Variants in CD28 observed in about 807,000 individuals in gnomAD.
CD28 encodes the protein T-cell-specific surface glycoprotein CD28.
A neutral mutation model predicts 21.4 loss-of-function variants in CD28; 8 were observed. The ratio of observed to expected loss-of-function variants is 0.37; its 90% CI spans 0.22 to 0.68. The LOEUF is 0.68. Ranked by LOEUF, CD28 falls within the 30% of genes least tolerant of loss-of-function variation. The probability of loss-of-function intolerance (pLI) is 0.55; values close to 1 mark genes in which losing one functional copy is unlikely to be tolerated. For missense variants in CD28, 239 were observed against 272.2 expected (o/e 0.88, Z 0.86); for synonymous variants, 106 against 104.0 (o/e 1.02, Z -0.12).
intron 3 of CD28, among the ~76,000 whole-genome samples, chr2:203,730,531 A>C (rs910333007): frequency 6.6e-6 from 1 of 152,222 alleles, no homozygotes; most frequent in Non-Finnish European, 1.5e-5. Context: ...TTAGGTACAT[A>C]GTATGGTACA....
chr2:203,738,542 C>T lies in CD28; in HGVS notation c.*3630C>T, dbSNP rs1694105446. The stretch of plus-strand genomic sequence containing the variant: ...AGTCTCTCTTTCCTATAGATATATG[C>T]ATACTTTCTGACATATAGGAATGTA... On this transcript the variant is annotated 3_prime_UTR_variant, in exon 4 of 4. Coordinates refer to ENST00000324106, the MANE Select transcript of CD28 (RefSeq NM_006139.4). 1 of 152,194 alleles carries T rather than the reference C, an allele frequency of 6.6e-6. No individual in the cohort carries two copies. The highest frequency in any genetic ancestry group is 1.5e-5 in the Non-Finnish European group (1 of 68,048). The allele number at this position is 152,194 out of a possible 1,614,324, so 9.4% of individuals were successfully genotyped here. A position where few individuals can be genotyped will look rare whatever the true frequency, so the allele number is the denominator to read the frequency against.
At chr2:203,710,686 C>A (rs1422596832) in intron 1 of CD28, among the ~76,000 whole-genome samples, 1 of 152,190 alleles carries the variant, frequency 6.6e-6, no homozygotes. Context: ...ATGCCACCAA[C>A]ATCCCAGAAG....
At chr2:203,715,084 GT>G (rs1447635762) in intron 1 of CD28, among the ~76,000 whole-genome samples, 1 of 152,156 alleles carries the variant, frequency 6.6e-6, no homozygotes, top group Non-Finnish European at 1.5e-5. Context: ...TCACAGAGTT[GT>G]TTTGAATGAG....
At chr2:203,709,357 T>C (rs1693251956) in intron 1 of CD28, among the ~76,000 whole-genome samples, 1 of 152,212 alleles carries the variant, frequency 6.6e-6, no homozygotes, top group Non-Finnish European at 1.5e-5. Context: ...AATTTAATAA[T>C]GTGTGTGTAT....
At position 203,736,342 on chromosome 2, in the gene CD28, T is replaced by C. The variant is rs1162758194; in HGVS notation, c.*1430T>C. The C allele has an allele frequency of 6.6e-6, 1 of 152,642 alleles. No individual in the cohort carries two copies. The highest frequency in any genetic ancestry group is 6.5e-5 in the Admixed American group (1 of 15,284). 9.5% of individuals were successfully genotyped at this position (152,642 alleles called of 1,614,324 possible). Reference sequence around the variant, plus strand: ...CCATGTGCTGAGGAGATAGCCAGCATTAGGTGACAATCTTCCAGAAGTGGT... The same window carrying C: ...CCATGTGCTGAGGAGATAGCCAGCACTAGGTGACAATCTTCCAGAAGTGGT... On this transcript the variant is annotated 3_prime_UTR_variant, in exon 4 of 4. Transcript: ENST00000324106.
intron 1 of CD28, among the ~76,000 whole-genome samples, chr2:203,707,322 TCA>T (rs1693184837): frequency 6.6e-6 from 1 of 152,058 alleles, no homozygotes. Flanking sequence ...TCTCCAAACC[TCA>T]GTTTCCTTAA....
intron 1 of CD28, among the ~76,000 whole-genome samples, chr2:203,724,828 G>A (rs1336926915): frequency 2.0e-5 from 3 of 152,156 alleles, no homozygotes; most frequent in African/African-American, 7.2e-5. Context: ...AAATGAATCT[G>A]ATTTTATTTG....
chr2:203,713,852 G>GGAGAGAGAGAGAGA (rs57737764), intron 1 of CD28, among the ~76,000 whole-genome samples: 3 of 141,670 alleles, frequency 2.1e-5, no homozygotes, highest in African/African-American at 5.3e-5. Context: ...AGAGAGAGAG[G>GGAGAGAGAGAGAGA]GAGAGAGAGA....
chr2:203,734,967 A>G lies in CD28; in HGVS notation c.*55A>G. 6.3e-7 allele frequency: 1 copy of G among 1,592,106 alleles called. No homozygotes were observed. The highest frequency in any genetic ancestry group is 8.6e-7 in the Non-Finnish European group (1 of 1,168,098). ...TGGCAGCCCCCATCTGCTCAATATC[A>G]CTGCTCTGGATAGGAAATGACCGCC... On this transcript the variant is annotated 3_prime_UTR_variant, in exon 4 of 4. Coordinates refer to ENST00000324106, the MANE Select transcript of CD28 (RefSeq NM_006139.4).
chr2:203,722,247 C>T (rs1449677660), intron 1 of CD28, among the ~76,000 whole-genome samples: 1 of 152,080 alleles, frequency 6.6e-6, no homozygotes, highest in Non-Finnish European at 1.5e-5. Flanking sequence ...GCAGGCATTG[C>T]TTGCTGGAGT....
chr2:203,737,004 C>T lies in CD28; in HGVS notation c.*2092C>T, dbSNP rs1301844078. The stretch of plus-strand genomic sequence containing the variant: ...GAATATTGTAACACAAATTTAAACC[C>T]ACTACGCAGGGATGAGGTGCTATAA... On this transcript the variant is annotated 3_prime_UTR_variant, in exon 4 of 4. Coordinates refer to ENST00000324106, the MANE Select transcript of CD28 (RefSeq NM_006139.4). 6.6e-6 allele frequency: 1 copy of T among 152,186 alleles called. No homozygotes were observed. The highest frequency in any genetic ancestry group is 1.9e-4 in the East Asian group (1 of 5,194). 9.4% of individuals were successfully genotyped at this position (152,186 alleles called of 1,614,324 possible). A position where few individuals can be genotyped will look rare whatever the true frequency, so the allele number is the denominator to read the frequency against.
intron 1 of CD28, among the ~76,000 whole-genome samples, chr2:203,723,489 T>TA (rs57408890): frequency 8.4e-4 from 115 of 136,740 alleles, no homozygotes; most frequent in Middle Eastern, 3.7e-3. Context: ...TCTGTAAAAA[T>TA]AAAAAAAAAA....
Position 203,736,889 on chromosome 2 carries a change from T to C in CD28, c.*1977T>C, listed in dbSNP as rs1224344709. The C allele has an allele frequency of 6.6e-6, 1 of 152,240 alleles. No individual in the cohort carries two copies. Among genetic ancestry groups the C allele is most frequent in the African/African-American group, 2.4e-5 (1 of 41,464 alleles). The allele number at this position is 152,240 out of a possible 1,614,324, so 9.4% of individuals were successfully genotyped here. On this transcript the variant is annotated 3_prime_UTR_variant, in exon 4 of 4. Transcript: ENST00000324106. ...TGCCTATCCCTGACATTTAGTAGCA[T>C]GCCCGACATACAATGTTAGCTATTG...
At chr2:203,724,404 T>G (rs1378740021) in intron 1 of CD28, among the ~76,000 whole-genome samples, 3 of 152,152 alleles carry the variant, frequency 2.0e-5, no homozygotes, top group African/African-American at 7.2e-5. Flanking sequence ...CTCAATAAAG[T>G]TATTATCTAA....
intron 1 of CD28, among the ~76,000 whole-genome samples, chr2:203,711,525 C>T (rs1693310790): frequency 6.6e-6 from 1 of 152,140 alleles, no homozygotes; most frequent in Admixed American, 6.5e-5. Context: ...TCTGCATTAC[C>T]ATTACTGTCA....
At chr2:203,718,050 A>G (rs1317075978) in intron 1 of CD28, among the ~76,000 whole-genome samples, 2 of 152,158 alleles carry the variant, frequency 1.3e-5, no homozygotes, top group African/African-American at 4.8e-5. Context: ...TAGGTCATGA[A>G]TAGCTTTGTT....
At chr2:203,713,724 T>C (rs1235167235) in intron 1 of CD28, among the ~76,000 whole-genome samples, 3 of 152,118 alleles carry the variant, frequency 2.0e-5, no homozygotes, top group Non-Finnish European at 2.9e-5. Context: ...TAGGAACTTA[T>C]ATCACCTAAA....
At chr2:203,716,752 A>G (rs1025529444) in intron 1 of CD28, among the ~76,000 whole-genome samples, 25 of 152,348 alleles carry the variant, frequency 1.6e-4, no homozygotes, top group African/African-American at 6.0e-4. Context: ...TCTACATTAT[A>G]GTGTCTGCCT....
At chr2:203,724,895 G>A (rs1314033391) in intron 1 of CD28, among the ~76,000 whole-genome samples, 1 of 152,196 alleles carries the variant, frequency 6.6e-6, no homozygotes, top group East Asian at 1.9e-4. Flanking sequence ...AGAAATGCAA[G>A]TAGGTAAATA....
Sources: gnomAD v4.1 joint callset for allele counts (sites outside exome capture counted in the v4.1 genomes callset) on GRCh38, gnomAD v4.1.1 for gene constraint, MANE v1.5 for transcripts, NCBI Gene and HGNC (gene_info 2026-07-23, HGNC 2026-07-21) for gene names.